AATK: variants seen among roughly 807,000 people sequenced by gnomAD.
The protein encoded by AATK is serine/threonine-protein kinase LMTK1.
In AATK, 91 loss-of-function variants were observed where a neutral mutation model predicts 114.3. That is an observed-to-expected ratio of 0.80 (90% CI 0.67 to 0.95). The LOEUF is 0.95. AATK is among the 40% of genes least tolerant of loss of function. AATK has a pLI of 0.00. For missense variants in AATK, 2,176 were observed against 1,965.2 expected, an observed-to-expected ratio of 1.11 and a Z score of -2.03; for synonymous variants, 1,075 against 916.5, an observed-to-expected ratio of 1.17 and a Z score of -3.12.
intron 1 of AATK, among the ~76,000 whole-genome samples, chr17:81,140,420 G>A (rs537333888): frequency 1.3e-5 from 2 of 152,362 alleles, no homozygotes; most frequent in South Asian, 2.1e-4. Context: ...GGCACCTGGT[G>A]TATGCAGAAC....
chr17:81,148,450 A>G (rs996979253), intron 1 of AATK, among the ~76,000 whole-genome samples: 4 of 152,222 alleles, frequency 2.6e-5, no homozygotes. Flanking sequence ...CCCCGTCCAC[A>G]GGGACCCTTC....
chr17:81,163,411 C>G (rs912193127), intron 1 of AATK, among the ~76,000 whole-genome samples: 1 of 152,240 alleles, frequency 6.6e-6, no homozygotes, highest in Non-Finnish European at 1.5e-5. Flanking sequence ...CCATGTGTCA[C>G]CCCCATCACC....
Position 81,121,447 on chromosome 17 carries a change from G to A in AATK, c.2489C>T (p.Ala830Val), listed in dbSNP as rs752477231. 3 of 1,596,634 alleles carry A rather than the reference G, an allele frequency of 1.9e-6. No individual in the cohort carries two copies. The Middle Eastern group carries it at 5.0e-4, about 265-fold the overall frequency. Residue 830 changes from alanine (A) to valine (V), a missense_variant, in exon 11 of 14, where the codon GCT becomes GTT. Ala to Val is a moderately conservative substitution (Grantham distance 64, BLOSUM62 0). Around this residue, in one of 4 missense-constraint regions of AATK, gnomAD observed 1,701 missense variants for 1,394.7 expected, o/e 1.22. Transcript: ENST00000326724. ...GATGGCAGACACCTCGCCACCAGTA[G>A]CAGGCGTGGGAGAGTCAGGCAGGGC... ...PDALPDSPTP[A>V]TGGEVSAIKL... is the part of the protein sequence containing the mutation.
intron 4 of AATK, 102 bp from the exon 5 acceptor site, chr17:81,128,012 G>A: frequency 1.4e-6 from 2 of 1,413,672 alleles, no homozygotes; most frequent in Non-Finnish European, 1.9e-6. Flanking sequence ...CCCCAGGACA[G>A]GACACTTCTC....
intron 1 of AATK, among the ~76,000 whole-genome samples, chr17:81,160,002 C>T (rs1036461013): frequency 2.0e-5 from 3 of 152,174 alleles, no homozygotes; most frequent in East Asian, 1.9e-4. Flanking sequence ...CACGCCCCGC[C>T]GTGAGAGGTG....
At chr17:81,119,125 G>GGGGCCAGGTGA (rs879769625) in intron 13 of AATK, among the ~76,000 whole-genome samples, 47 of 150,334 alleles carry the variant, frequency 3.1e-4, no homozygotes, top group African/African-American at 1.1e-3. Flanking sequence ...GCCGAGTGCA[G>GGGGCCAGGTGA]GGGCCAGGTG....
intron 1 of AATK, among the ~76,000 whole-genome samples, chr17:81,142,740 C>T (rs1465035136): frequency 1.3e-5 from 2 of 152,180 alleles, no homozygotes; most frequent in Admixed American, 1.3e-4. Context: ...GGCTTCTCAC[C>T]TGTGAGCCTC....
intron 1 of AATK, among the ~76,000 whole-genome samples, chr17:81,151,154 G>A (rs1479065728): frequency 1.3e-5 from 2 of 152,130 alleles, no homozygotes; most frequent in Non-Finnish European, 2.9e-5. Context: ...GTTTGCACAG[G>A]CGCCCAGACA....
chr17:81,118,994 T>C (rs1370372445), intron 13 of AATK, among the ~76,000 whole-genome samples: 3 of 152,148 alleles, frequency 2.0e-5, no homozygotes, highest in Admixed American at 6.5e-5. Context: ...CCAGCAGGGC[T>C]CCACCTGGGC....
rs1270751146 is a variant in AATK, at chr17:81,122,592, C to A, written c.1344G>T (p.Pro448=). ...VVELAAASSF[P]LLEQFAGDGF... ...CGTCGCCCGCGAACTGCTCCAGCAG[C>A]GGGAAGGACGAGGCAGCGGCGAGCT... Residue 448 remains proline (P), a synonymous_variant, in exon 11 of 14, where the codon CCG becomes CCT. Coordinates refer to ENST00000326724, the MANE Select transcript of AATK (RefSeq NM_001080395.3). The A allele has an allele frequency of 1.4e-6, 2 of 1,439,442 alleles. No individual in the cohort carries two copies. Among genetic ancestry groups the A allele is most frequent in the South Asian group, 1.3e-5 (1 of 76,222 alleles). The allele number at this position is 1,439,442 out of a possible 1,614,324, so 89.2% of individuals were successfully genotyped here. A position where few individuals can be genotyped will look rare whatever the true frequency, so the allele number is the denominator to read the frequency against.
At chr17:81,142,679 C>T (rs1171612595) in intron 1 of AATK, among the ~76,000 whole-genome samples, 9 of 152,194 alleles carry the variant, frequency 5.9e-5, no homozygotes, top group Non-Finnish European at 1.3e-4. Flanking sequence ...GGGGTGGAGA[C>T]ACCCCCACAA....
At position 81,119,168 on chromosome 17, in the gene AATK, GA is replaced by G. The variant is rs1371436097; in HGVS notation, c.4084+211del. On this transcript the variant is annotated intron_variant, in intron 13 of 13. Transcript: ENST00000326724. ...GGTGAGGGTCAGGTGAGGGTCAGGT[GA>G]GGGTCAGGTGAGGGTCAGGTGAGGG... 9.9e-4 allele frequency among the ~76,000 whole-genome samples: 130 copies of G among 130,964 alleles called. 1 individual carries two copies. Among genetic ancestry groups the G allele is most frequent in the Middle Eastern group, 8.1e-3 (2 of 246 alleles). The allele number at this position is 130,964 out of a possible 152,430, so 85.9% of individuals were successfully genotyped here.
At position 81,119,332 on chromosome 17, in the gene AATK, G is replaced by A. The variant is rs906291390; in HGVS notation, c.4084+48C>T. On this transcript the variant is annotated intron_variant, in intron 13 of 13. Transcript: ENST00000326724. ...AGGGGCCCCACCCTCGGAGCTCCGTGCCCTGCCTCCCGCGTGCCCTTCTGC... is the reference window on the plus strand; with the variant it reads ...AGGGGCCCCACCCTCGGAGCTCCGTACCCTGCCTCCCGCGTGCCCTTCTGC... 6.0e-6 allele frequency: 9 copies of A among 1,511,722 alleles called. No homozygotes were observed. The African/African-American group carries it at 7.3e-5, about 12-fold the overall frequency. The allele number at this position is 1,511,722 out of a possible 1,614,324, so 93.6% of individuals were successfully genotyped here. A position where few individuals can be genotyped will look rare whatever the true frequency, so the allele number is the denominator to read the frequency against.
chr17:81,119,753 C>T (rs148226642), intron 12 of AATK, among the ~76,000 whole-genome samples, 173 bp from the exon 13 acceptor site: 1,908 of 151,248 alleles, frequency 0.013, 18 homozygotes, highest in Admixed American at 0.027. Context: ...GACAAGGCCC[C>T]GCCTTCCGTG....
chr17:81,148,443 C>T (rs1486889810), intron 1 of AATK, among the ~76,000 whole-genome samples: 1 of 152,250 alleles, frequency 6.6e-6, no homozygotes, highest in South Asian at 2.1e-4. Flanking sequence ...AGCCCACCCC[C>T]GTCCACAGGG....
intron 2 of AATK, among the ~76,000 whole-genome samples, chr17:81,132,320 G>A (rs532936013): frequency 6.6e-6 from 1 of 152,338 alleles, no homozygotes; most frequent in Non-Finnish European, 1.5e-5. Flanking sequence ...GGCAGGTGCA[G>A]TGGGAGGGGA....
intron 1 of AATK, among the ~76,000 whole-genome samples, chr17:81,147,572 T>C (rs1264064880): frequency 2.0e-5 from 3 of 151,980 alleles, no homozygotes; most frequent in African/African-American, 7.3e-5. Context: ...CTGGCCAGCA[T>C]GGCGAAACCC....
chr17:81,149,390 C>T (rs947295048), intron 1 of AATK, among the ~76,000 whole-genome samples: 9 of 152,166 alleles, frequency 5.9e-5, no homozygotes, highest in African/African-American at 1.7e-4. Flanking sequence ...CTGCCCTCCC[C>T]GGCCTGTGGG....
At chr17:81,119,780 C>A (rs2060671933) in intron 12 of AATK, among the ~76,000 whole-genome samples, 156 bp downstream of exon 12, 1 of 151,578 alleles carries the variant, frequency 6.6e-6, no homozygotes, top group African/African-American at 2.4e-5. Context: ...CGTACCAGAC[C>A]CGCCTCCCAT....
Sources: gnomAD v4.1 joint callset for allele counts (sites outside exome capture counted in the v4.1 genomes callset) on GRCh38, gnomAD v4.1.1 for gene constraint, gnomAD v4.1.1 regional missense constraint, MANE v1.5 for transcripts, NCBI Gene and HGNC (gene_info 2026-07-23, HGNC 2026-07-21) for gene names.